SAMD4A: variants seen among roughly 807,000 people sequenced by gnomAD.
SAMD4A encodes protein Smaug homolog 1.
A neutral mutation model predicts 81.3 loss-of-function variants in SAMD4A; 33 were observed. The observed-to-expected ratio is 0.41, with a 90% CI of 0.31 to 0.54. SAMD4A has a LOEUF of 0.54. Among genes scored for constraint, SAMD4A ranks in the 20% least tolerant of loss-of-function variants. SAMD4A has a pLI of 0.37. For synonymous variants in SAMD4A, 389 were observed against 382.1 expected, an observed-to-expected ratio of 1.02 and a Z score of -0.21; for missense variants, 854 against 951.1, an observed-to-expected ratio of 0.90 and a Z score of 1.34.
chr14:54,586,478 G>C (rs1445646400), intron 2 of SAMD4A, among the ~76,000 whole-genome samples: 1 of 152,058 alleles, frequency 6.6e-6, no homozygotes, highest in African/African-American at 2.4e-5. Flanking sequence ...TTGCTTTTGG[G>C]TTCTTGATCA....
In SAMD4A at chr14:54,658,437, T is replaced by C. The variant is rs946657779; in HGVS notation, c.197-43625T>C. Among the ~76,000 whole-genome samples, 5 of 152,016 alleles carry C rather than the reference T, an allele frequency of 3.3e-5. No homozygotes were observed. The East Asian group carries it at 9.6e-4, about 29-fold the overall frequency. On this transcript the variant is annotated intron_variant, in intron 2 of 12. Coordinates refer to ENST00000554335, the MANE Select transcript of SAMD4A (RefSeq NM_015589.6). ...TTGTAAGACAGGTGCTGTGCTATAT[T>C]CTCCTGCAGGGCCTCAGCCAGCCTC...
chr14:54,785,272 C>A (rs1038124119), intron 12 of SAMD4A, among the ~76,000 whole-genome samples: 3 of 152,214 alleles, frequency 2.0e-5, no homozygotes, highest in Non-Finnish European at 4.4e-5. Context: ...TGTGGCCCCA[C>A]AAGCAGCTCA....
intron 4 of SAMD4A, among the ~76,000 whole-genome samples, chr14:54,738,569 C>T (rs1211949304): frequency 6.6e-6 from 1 of 152,184 alleles, no homozygotes; most frequent in Admixed American, 6.5e-5. Context: ...CCATGTGTCA[C>T]TTGGGTACGA....
intron 2 of SAMD4A, among the ~76,000 whole-genome samples, chr14:54,672,274 T>C (rs2035901618): frequency 6.6e-6 from 1 of 151,966 alleles, no homozygotes; most frequent in African/African-American, 2.4e-5. Context: ...AGCCTTGGGA[T>C]GCCTGTCAGC....
chr14:54,656,891 G>A (rs1440852719), intron 2 of SAMD4A, among the ~76,000 whole-genome samples: 1 of 152,128 alleles, frequency 6.6e-6, no homozygotes, highest in East Asian at 1.9e-4. Context: ...ACAGGCGTGA[G>A]CCATGAAACA....
chr14:54,696,387 A>G lies in SAMD4A; in HGVS notation c.197-5675A>G, dbSNP rs527427648. Among the ~76,000 whole-genome samples the G allele has an allele frequency of 2.0e-5, 3 of 152,342 alleles. No individual in the cohort carries two copies. The South Asian group carries it at 6.2e-4, about 32-fold the overall frequency. ...GGATTGACTTTGTAACATTCTTCCA[A>G]GGAGTCTTTGACCATGTAAAACCCA... On this transcript the variant is annotated intron_variant, in intron 2 of 12. Coordinates refer to ENST00000554335, the MANE Select transcript of SAMD4A (RefSeq NM_015589.6).
Position 54,768,629 on chromosome 14 carries a change from G to A in SAMD4A, c.1597-1475G>A, listed in dbSNP as rs202210993. Among the ~76,000 whole-genome samples, 172 of 152,284 alleles carry A rather than the reference G, an allele frequency of 1.1e-3. 1 individual carries two copies. Among genetic ancestry groups the A allele is most frequent in the Non-Finnish European group, 5.6e-4 (38 of 68,030 alleles). On this transcript the variant is annotated intron_variant, in intron 8 of 12. Coordinates refer to ENST00000554335, the MANE Select transcript of SAMD4A (RefSeq NM_015589.6). ...CTCTCGCTGTTAGTCCAGCAGAAAC[G>A]CTTGCCTTTTGCCCAGTTTCAGAGG...
At chr14:54,685,591 T>C in intron 2 of SAMD4A, 1 of 428,110 alleles carries the variant, frequency 2.3e-6, no homozygotes, top group Non-Finnish European at 4.7e-6. Context: ...TCGTAGATTT[T>C]TTTTCTTTGT....
chr14:54,597,961 C>T (rs976297033), intron 2 of SAMD4A, among the ~76,000 whole-genome samples: 3 of 152,058 alleles, frequency 2.0e-5, no homozygotes, highest in Non-Finnish European at 4.4e-5. Context: ...CCTTGGTCTC[C>T]ATAAAGCAGT....
chr14:54,593,500 G>T (rs529777053), intron 2 of SAMD4A, among the ~76,000 whole-genome samples: 1 of 152,244 alleles, frequency 6.6e-6, no homozygotes, highest in South Asian at 2.1e-4. Flanking sequence ...AATGTAAGAA[G>T]ATGATATTTA....
intron 3 of SAMD4A, among the ~76,000 whole-genome samples, chr14:54,718,224 T>G (rs1190911035): frequency 6.6e-6 from 1 of 152,206 alleles, no homozygotes; most frequent in East Asian, 1.9e-4. Flanking sequence ...TGCCTTCCAC[T>G]CTTTTGCAGT....
At chr14:54,732,925 C>T (rs1471837062) in intron 3 of SAMD4A, among the ~76,000 whole-genome samples, 2 of 152,038 alleles carry the variant, frequency 1.3e-5, no homozygotes, top group Admixed American at 6.5e-5. Context: ...TAAATAAAAT[C>T]GAGATGGAGT....
In SAMD4A at chr14:54,666,717, G is replaced by C. The variant is rs116167011; in HGVS notation, c.197-35345G>C. 9.6e-4 allele frequency among the ~76,000 whole-genome samples: 146 copies of C among 152,208 alleles called. 1 individual carries two copies. Among genetic ancestry groups the C allele is most frequent in the African/African-American group, 3.4e-3 (143 of 41,534 alleles). On this transcript the variant is annotated intron_variant, in intron 2 of 12. Transcript: ENST00000554335. ...CATGTATTGTCAGAGACACTTAACT[G>C]AGAAGACAAATGATTCCCATTTAGG...
intron 2 of SAMD4A, among the ~76,000 whole-genome samples, chr14:54,664,849 A>T (rs1343427138): frequency 1.3e-5 from 2 of 150,380 alleles, no homozygotes; most frequent in Non-Finnish European, 3.0e-5. Flanking sequence ...ACACACACAC[A>T]CTTCCTTAAA....
In SAMD4A at chr14:54,567,994, G is replaced by A; in HGVS notation, c.78G>A (p.Leu26=). ...GWNECEQTVA[L]LSLLKRVSQT... ...ACGAGTGCGAGCAGACTGTTGCGCT[G>A]CTGTCGCTGCTCAAGCGCGTGAGCC... The change falls in exon 2 of 13, where the codon CTG becomes CTA. Residue 26 remains leucine (L), a synonymous_variant. Coordinates refer to ENST00000554335, the MANE Select transcript of SAMD4A (RefSeq NM_015589.6). 1 of 1,609,286 alleles carries A rather than the reference G, an allele frequency of 6.2e-7. No homozygotes were observed. The highest frequency in any genetic ancestry group is 1.1e-5 in the South Asian group (1 of 90,894).
chr14:54,641,832 C>T (rs1336534171), intron 2 of SAMD4A, among the ~76,000 whole-genome samples: 1 of 152,012 alleles, frequency 6.6e-6, no homozygotes, highest in Non-Finnish European at 1.5e-5. Flanking sequence ...GAGTCTCGCT[C>T]TGTCACCCAG....
intron 2 of SAMD4A, among the ~76,000 whole-genome samples, chr14:54,666,345 C>G (rs1389252681): frequency 6.6e-6 from 1 of 152,168 alleles, no homozygotes; most frequent in Non-Finnish European, 1.5e-5. Context: ...TAGTGACATA[C>G]AGTTGTCCCT....
chr14:54,770,514 A>T (rs931630396), intron 9 of SAMD4A, among the ~76,000 whole-genome samples: 2 of 152,238 alleles, frequency 1.3e-5, no homozygotes, highest in African/African-American at 4.8e-5. Flanking sequence ...GATTTAACAA[A>T]TGCAGGCAAA....
intron 2 of SAMD4A, among the ~76,000 whole-genome samples, chr14:54,622,992 G>T (rs1204514847): frequency 1.3e-5 from 2 of 152,230 alleles, no homozygotes; most frequent in Non-Finnish European, 2.9e-5. Flanking sequence ...TTCTAGGATT[G>T]GTTGTTTTCC....
Sources: allele counts gnomAD v4.1 joint callset (sites outside exome capture counted in the v4.1 genomes callset), GRCh38; gene constraint gnomAD v4.1.1; transcripts MANE v1.5; gene names NCBI Gene and HGNC (gene_info 2026-07-23, HGNC 2026-07-21).